ZNF37A: variants seen among roughly 807,000 people sequenced by gnomAD.
The protein encoded by ZNF37A is zinc finger protein 37a (KOX 21).
A neutral mutation model predicts 12.3 loss-of-function variants in ZNF37A; 10 were observed. That is an observed-to-expected ratio of 0.82 (90% CI 0.50 to 1.38). The LOEUF is 1.38. Among genes scored for constraint, ZNF37A ranks in the 40% most tolerant of loss-of-function variants. The pLI is 0.00. For missense variants in ZNF37A, 580 were observed against 651.2 expected, an observed-to-expected ratio of 0.89 and a Z score of 1.19; for synonymous variants, 207 against 223.0, an observed-to-expected ratio of 0.93 and a Z score of 0.64.
At chr10:38,131,952 A>C (rs1390828308) in intron 7 of ZNF37A, among the ~76,000 whole-genome samples, 1 of 152,182 alleles carries the variant, frequency 6.6e-6, no homozygotes, top group African/African-American at 2.4e-5. Flanking sequence ...ATGGTATAGC[A>C]AACAAAATTG....
At chr10:38,109,636 C>T (rs1413690022) in intron 5 of ZNF37A, among the ~76,000 whole-genome samples, 1 of 152,198 alleles carries the variant, frequency 6.6e-6, no homozygotes, top group Middle Eastern at 3.2e-3. Flanking sequence ...TAAGCAACTT[C>T]AGGAAAGCCT....
intron 7 of ZNF37A, chr10:38,139,274 T>C (rs1352835833): frequency 6.6e-6 from 1 of 152,154 alleles, no homozygotes; most frequent in Non-Finnish European, 1.5e-5. Context: ...ATTGTCCTTA[T>C]TATGTGTTTT....
At position 38,115,066 on chromosome 10, in the gene ZNF37A, A is replaced by AGTGTGTGTGTGT. The variant is rs56124182; in HGVS notation, c.143-90_143-79dup. 1,169 of 621,290 alleles carry AGTGTGTGTGTGT rather than the reference A, an allele frequency of 1.9e-3. 9 individuals carry two copies. The highest frequency in any genetic ancestry group is 2.3e-3 in the South Asian group (87 of 37,402). The allele number at this position is 621,290 out of a possible 1,614,324, so 38.5% of individuals were successfully genotyped here. ...CTGCCCCCATGACAGGATTAAATGA[A>AGTGTGTGTGTGT]GTGTGTGTGTGTGTGTGTGTGTGTG... is the stretch of plus-strand genomic sequence containing the variant. On this transcript the variant is annotated intron_variant, in intron 6 of 7. Transcript: ENST00000685332.
intron 5 of ZNF37A, 65 bp downstream of exon 5, chr10:38,096,697 A>C: frequency 6.7e-7 from 1 of 1,487,630 alleles, no homozygotes; most frequent in Non-Finnish European, 9.3e-7. Flanking sequence ...AAATGTCTAT[A>C]CATTCATATG....
At chr10:38,103,810 C>T (rs1310042492) in intron 5 of ZNF37A, among the ~76,000 whole-genome samples, 7 of 152,224 alleles carry the variant, frequency 4.6e-5, no homozygotes, top group Admixed American at 1.3e-4. Context: ...GTTTAGTGGT[C>T]GTCTGTGATT....
chr10:38,140,587 TAGAC>T (rs1196608744), intron 7 of ZNF37A: 33 of 152,314 alleles, frequency 2.2e-4, no homozygotes, highest in Admixed American at 2.0e-3. Context: ...GATAGATAGA[TAGAC>T]AGATACATAT....
At chr10:38,141,762 A>C (rs1269715897) in intron 7 of ZNF37A, 1 of 152,126 alleles carries the variant, frequency 6.6e-6, no homozygotes, top group East Asian at 1.9e-4. Context: ...TATCTCTGGA[A>C]CTCTTCTCAA....
At chr10:38,145,869 C>T (rs547357560) in intron 7 of ZNF37A, among the ~76,000 whole-genome samples, 6 of 152,270 alleles carry the variant, frequency 3.9e-5, no homozygotes, top group South Asian at 2.1e-4. Context: ...GAGGCTGAGG[C>T]GGGCAGATCA....
Position 38,119,177 on chromosome 10 carries a change from T to G in ZNF37A, c.*340T>G. 1.9e-6 allele frequency: 2 copies of G among 1,027,366 alleles called. No individual in the cohort carries two copies. The highest frequency in any genetic ancestry group is 2.4e-6 in the Non-Finnish European group (2 of 849,092). The allele number at this position is 1,027,366 out of a possible 1,614,324, so 63.6% of individuals were successfully genotyped here. ...AAGGGATGCATTTTTCTGCTACTAC[T>G]ACAGTTTCACAGAATACCTGAGAAG... On this transcript the variant is annotated 3_prime_UTR_variant, in exon 8 of 8. Transcript: ENST00000685332.
intron 7 of ZNF37A, chr10:38,142,996 TTA>T (rs1172745653): frequency 6.6e-6 from 1 of 152,228 alleles, no homozygotes; most frequent in Non-Finnish European, 1.5e-5. Context: ...ATTCCTGATG[TTA>T]TGTTTCCTTA....
intron 5 of ZNF37A, among the ~76,000 whole-genome samples, chr10:38,096,924 G>T (rs1293402201): frequency 6.6e-6 from 1 of 152,200 alleles, no homozygotes; most frequent in Admixed American, 6.5e-5. Flanking sequence ...GTATTTATGT[G>T]TTGTCTGTTG....
At chr10:38,145,935 G>A (rs1854564) in intron 7 of ZNF37A, among the ~76,000 whole-genome samples, 151,946 of 152,224 alleles carry the variant, frequency 1, 75,835 homozygotes, top group South Asian at 1. Flanking sequence ...GCCCATCTCT[G>A]CTAAAAGTAC....
intron 7 of ZNF37A, among the ~76,000 whole-genome samples, chr10:38,135,790 A>G (rs1201981665): frequency 1.3e-5 from 2 of 152,178 alleles, no homozygotes; most frequent in African/African-American, 2.4e-5. Flanking sequence ...TTATAAAACC[A>G]TCAAATCTTG....
intron 7 of ZNF37A, chr10:38,138,364 A>G (rs2070138581): frequency 6.6e-6 from 1 of 152,120 alleles, no homozygotes; most frequent in South Asian, 2.1e-4. Context: ...CTTTAAATTT[A>G]CCTTTTATTG....
At position 38,118,641 on chromosome 10, in the gene ZNF37A, G is replaced by T; in HGVS notation, c.1490G>T (p.Cys497Phe). 1 of 1,613,542 alleles carries T rather than the reference G, an allele frequency of 6.2e-7. No individual in the cohort carries two copies. Among genetic ancestry groups the T allele is most frequent in the Non-Finnish European group, 8.5e-7 (1 of 1,179,874 alleles). The stretch of plus-strand genomic sequence containing the variant: ...CATATAAGACAGAAACCCTATGGAT[G>T]TAATCAATGTGGAAAATCATTCTGT... ...RTHIRQKPYG[C>F]NQCGKSFCVK... is the part of the protein sequence containing the mutation. The change falls in exon 8 of 8, where the codon TGT becomes TTT. Residue 497 changes from cysteine to phenylalanine, a missense_variant. By Grantham distance (205) the Cys-to-Phe change is radical. Coordinates refer to ENST00000685332, the MANE Select transcript of ZNF37A (RefSeq NM_001324250.3).
chr10:38,115,079 G>C, intron 6 of ZNF37A, 116 bp from the exon 7 acceptor site: 1 of 562,282 alleles, frequency 1.8e-6, no homozygotes, highest in Non-Finnish European at 2.9e-6. Context: ...GTGTGTGTGT[G>C]TGTGTGTGTG....
intron 7 of ZNF37A, chr10:38,115,618 C>A: frequency 6.0e-6 from 1 of 166,138 alleles, no homozygotes; most frequent in South Asian, 1.9e-4. Context: ...TTTCAACACC[C>A]CCAGAAAGCT....
chr10:38,108,155 G>C (rs935136055), intron 5 of ZNF37A, among the ~76,000 whole-genome samples: 1 of 151,778 alleles, frequency 6.6e-6, no homozygotes, highest in Non-Finnish European at 1.5e-5. Flanking sequence ...ACAGTCTCTC[G>C]GGCCACAGTG....
At chr10:38,126,254 A>G (rs763589256), downstream of ZNF37A, among the ~76,000 whole-genome samples, 6 of 152,208 alleles carry the variant, frequency 3.9e-5, no homozygotes, top group Non-Finnish European at 5.9e-5. Context: ...GAGAACCACA[A>G]CTGGACAATG....
Sources: gnomAD v4.1 joint callset for allele counts (sites outside exome capture counted in the v4.1 genomes callset) on GRCh38, gnomAD v4.1.1 for gene constraint, MANE v1.5 for transcripts, NCBI Gene and HGNC (gene_info 2026-07-23, HGNC 2026-07-21) for gene names.